The following ZNF778 variants were observed in gnomAD, a reference collection of about 807,000 sequenced individuals.
ZNF778 encodes the protein zinc finger protein 778.
ZNF778 carries 37 observed loss-of-function variants against 23.9 expected under a neutral mutation model. The ratio of observed to expected loss-of-function variants is 1.54; its 90% CI spans 1.19 to 2.03. The LOEUF is 2.03. ZNF778 is among the 30% of genes most tolerant of loss of function. ZNF778 has a pLI of 0.00. For missense variants in ZNF778, 1,297 were observed against 934.4 expected (o/e 1.39, Z -5.06); for synonymous variants, 483 against 343.9 (o/e 1.40, Z -4.48).
At chr16:89,220,193 C>T (rs549496927) in intron 1 of ZNF778, among the ~76,000 whole-genome samples, 7 of 152,288 alleles carry the variant, frequency 4.6e-5, no homozygotes, top group South Asian at 2.1e-4. Context: ...CCAAAGACCT[C>T]GCCCCCGCCG....
chr16:89,230,133 T>C lies in ZNF778; in HGVS notation c.*1571T>C. On this transcript the variant is annotated 3_prime_UTR_variant, in exon 7 of 7. Transcript: ENST00000433976. ...TCCCACACTGGCCAATGTTGGGGCATAACACAGCTCTACATTTTATGAAAA... is the reference window on the plus strand; with the variant it reads ...TCCCACACTGGCCAATGTTGGGGCACAACACAGCTCTACATTTTATGAAAA... 1.4e-6 allele frequency: 1 copy of C among 690,590 alleles called. No individual in the cohort carries two copies. Among genetic ancestry groups the C allele is most frequent in the Non-Finnish European group, 1.8e-6 (1 of 561,898 alleles). The allele number at this position is 690,590 out of a possible 1,614,324, so 42.8% of individuals were successfully genotyped here. A position where few individuals can be genotyped will look rare whatever the true frequency, so the allele number is the denominator to read the frequency against.
rs1313053199 is a variant in ZNF778, at chr16:89,231,986, T to A, written c.*3424T>A. On this transcript the variant is annotated 3_prime_UTR_variant, in exon 7 of 7. Coordinates refer to ENST00000433976, the MANE Select transcript of ZNF778 (RefSeq NM_001201407.2). ...CACCTTTATAACTCCTCAAGGATAT[T>A]ATCATTGGACCCCCAACATTTCAAA... 6.5e-6 allele frequency: 1 copy of A among 152,948 alleles called. No homozygotes were observed. The highest frequency in any genetic ancestry group is 1.5e-5 in the Non-Finnish European group (1 of 68,596). The allele number at this position is 152,948 out of a possible 1,614,324, so 9.5% of individuals were successfully genotyped here. A position where few individuals can be genotyped will look rare whatever the true frequency, so the allele number is the denominator to read the frequency against.
chr16:89,228,535 A>C lies in ZNF778; in HGVS notation c.2247A>C (p.Gln749His). 5.0e-6 allele frequency: 8 copies of C among 1,593,836 alleles called. No individual in the cohort carries two copies. Among genetic ancestry groups the C allele is most frequent in the African/African-American group, 1.4e-5 (1 of 73,894 alleles). Reference sequence around the variant, plus strand: ...CCTCATGCCTTAACCATCACACTCAAATTCACACTGATGAGAAACCTTTCT... The same window carrying C: ...CCTCATGCCTTAACCATCACACTCACATTCACACTGATGAGAAACCTTTCT... ...KNSSCLNHHTQIHTDEKPF is the reference protein window; with the variant it reads ...KNSSCLNHHTHIHTDEKPF Residue 749 changes from glutamine (Q) to histidine (H), a missense_variant, in exon 7 of 7, where the codon CAA becomes CAC. Transcript: ENST00000433976.
rs2032003538 is a variant in ZNF778, at chr16:89,232,860, A to ATCAACTCGCACTGCGCATGCAAC, written c.*4313_*4314insCATGCAACTCAACTCGCACTGCG. 8.8e-7 allele frequency: 1 copy of ATCAACTCGCACTGCGCATGCAAC among 1,141,174 alleles called. No individual in the cohort carries two copies. The highest frequency in any genetic ancestry group is 1.8e-5 in the African/African-American group (1 of 56,492). 70.7% of individuals were successfully genotyped at this position (1,141,174 alleles called of 1,614,324 possible). On this transcript the variant is annotated 3_prime_UTR_variant, in exon 7 of 7. Coordinates refer to ENST00000433976, the MANE Select transcript of ZNF778 (RefSeq NM_001201407.2). Reference sequence around the variant, plus strand: ...AACTCAACTCACACCGTGTATGCAAATCAACTCGCACTGCGTATGCAACTC... The same window carrying ATCAACTCGCACTGCGCATGCAAC: ...AACTCAACTCACACCGTGTATGCAAATCAACTCGCACTGCGCATGCAACTCAACTCGCACTGCGTATGCAACTC...
At position 89,227,112 on chromosome 16, in the gene ZNF778, A is replaced by T; in HGVS notation, c.824A>T (p.His275Leu). 1.2e-6 allele frequency: 2 copies of T among 1,614,046 alleles called. No homozygotes were observed. Among genetic ancestry groups the T allele is most frequent in the Non-Finnish European group, 1.7e-6 (2 of 1,179,896 alleles). The change falls in exon 7 of 7, where the codon CAT becomes CTT. Residue 275 changes from histidine (H) to leucine (L), a missense_variant. Coordinates refer to ENST00000433976, the MANE Select transcript of ZNF778 (RefSeq NM_001201407.2). ...SMGCATPVEMHAVRNPHVCRE... is the reference protein window; with the variant it reads ...SMGCATPVEMLAVRNPHVCRE... ...GGCTGCGCCACACCTGTTGAAATGC[A>T]TGCCGTCAGGAATCCCCACGTATGT...
intron 3 of ZNF778, among the ~76,000 whole-genome samples, chr16:89,222,914 T>C (rs932030298): frequency 6.8e-6 from 1 of 147,678 alleles, no homozygotes; most frequent in Non-Finnish European, 1.5e-5. Context: ...AGCGACAGGG[T>C]GCGCGTGACT....
chr16:89,218,178 T>A (rs1028484837), intron 1 of ZNF778: 6 of 152,118 alleles, frequency 3.9e-5, no homozygotes, highest in Admixed American at 3.3e-4. Flanking sequence ...GGTCTTGGAG[T>A]AATCGAATCC....
At position 89,223,267 on chromosome 16, in the gene ZNF778, G is replaced by C. The variant is rs773089149; in HGVS notation, c.228G>C (p.Glu76Asp). 1.2e-6 allele frequency: 2 copies of C among 1,613,874 alleles called. No individual in the cohort carries two copies. Among genetic ancestry groups the C allele is most frequent in the Admixed American group, 3.3e-5 (2 of 59,900 alleles). Residue 76 changes from glutamate to aspartate, a missense_variant, in exon 4 of 7, where the codon GAG (glutamate) becomes GAC (aspartate). Coordinates refer to ENST00000433976, the MANE Select transcript of ZNF778 (RefSeq NM_001201407.2). ...GAGATGTGATGCTGGAAAACTACGA[G>C]AACCTGGCCTCAGTAGGTGAGGCTG... ...LYRDVMLENY[E>D]NLASVGHHLF...
rs572022541 is a variant in ZNF778, at chr16:89,232,827, G to A, written c.*4265G>A. 211 of 1,289,348 alleles carry A rather than the reference G, an allele frequency of 1.6e-4. 2 individuals carry two copies. Among genetic ancestry groups the A allele is most frequent in the South Asian group, 1.1e-3 (93 of 81,020 alleles). The allele number at this position is 1,289,348 out of a possible 1,614,324, so 79.9% of individuals were successfully genotyped here. A position where few individuals can be genotyped will look rare whatever the true frequency, so the allele number is the denominator to read the frequency against. The stretch of plus-strand genomic sequence containing the variant: ...CTGCATATGCAACTCAACTCACACC[G>A]TATATGCAACTCAACTCACACCGTG... On this transcript the variant is annotated 3_prime_UTR_variant, in exon 7 of 7. Transcript: ENST00000433976.
Position 89,221,120 on chromosome 16 carries a change from C to T in ZNF778, c.-8C>T, listed in dbSNP as rs1205985966. The T allele has an allele frequency of 6.4e-7, 1 of 1,567,658 alleles. No homozygotes were observed. Among genetic ancestry groups the T allele is most frequent in the Non-Finnish European group, 8.7e-7 (1 of 1,155,854 alleles). ...GGAGCATTCAGACGCTTCCGTCAGC[C>T]TCCCAGGATGGCAGCCCCTGACCTG... On this transcript the variant is annotated 5_prime_UTR_variant, in exon 2 of 7. Coordinates refer to ENST00000433976, the MANE Select transcript of ZNF778 (RefSeq NM_001201407.2).
rs749103051 is a variant in ZNF778, at chr16:89,234,173, A to G, written c.*5611A>G. The G allele has an allele frequency of 1.2e-5, 5 of 404,464 alleles. No individual in the cohort carries two copies. The highest frequency in any genetic ancestry group is 2.4e-5 in the Non-Finnish European group (5 of 204,928). 25.1% of individuals were successfully genotyped at this position (404,464 alleles called of 1,614,324 possible). The stretch of plus-strand genomic sequence containing the variant: ...CTGTGTGTGTCACTCACTCACCTTG[A>G]CGAGTCCGCGTCTAGGCCCCACCAG... On this transcript the variant is annotated 3_prime_UTR_variant, in exon 7 of 7. Transcript: ENST00000433976.
In ZNF778 at chr16:89,232,047, G is replaced by C. The variant is rs2031953859; in HGVS notation, c.*3485G>C. 1 of 155,168 alleles carries C rather than the reference G, an allele frequency of 6.4e-6. No homozygotes were observed. The highest frequency in any genetic ancestry group is 2.4e-5 in the African/African-American group (1 of 41,416). 9.6% of individuals were successfully genotyped at this position (155,168 alleles called of 1,614,324 possible). A position where few individuals can be genotyped will look rare whatever the true frequency, so the allele number is the denominator to read the frequency against. On this transcript the variant is annotated 3_prime_UTR_variant, in exon 7 of 7. Coordinates refer to ENST00000433976, the MANE Select transcript of ZNF778 (RefSeq NM_001201407.2). Reference sequence around the variant, plus strand: ...TGAGTAATACCATATGCTGTGATGTGGATGTGATTGGTTTGCCCTCATCAA... The same window carrying C: ...TGAGTAATACCATATGCTGTGATGTCGATGTGATTGGTTTGCCCTCATCAA...
At chr16:89,226,362 T>C (rs1274487887) in intron 6 of ZNF778, among the ~76,000 whole-genome samples, 1 of 152,208 alleles carries the variant, frequency 6.6e-6, no homozygotes, top group East Asian at 1.9e-4. Context: ...TGCGCCACCA[T>C]GCCCAGTTAA....
Position 89,227,612 on chromosome 16 carries a change from A to G in ZNF778, c.1324A>G (p.Thr442Ala). ...VRCGLTRHVR[T>A]HTGEKPYTCK... ...CTGTGGCCTTACTAGACACGTACGA[A>G]CACACACGGGCGAGAAGCCATACAC... Residue 442 changes from threonine to alanine, a missense_variant, in exon 7 of 7, where the codon ACA (threonine) becomes GCA (alanine). Thr to Ala is a moderately conservative substitution (Grantham distance 58, BLOSUM62 0). Transcript: ENST00000433976. The G allele has an allele frequency of 6.2e-7, 1 of 1,614,094 alleles. No homozygotes were observed. Among genetic ancestry groups the G allele is most frequent in the Non-Finnish European group, 8.5e-7 (1 of 1,179,982 alleles).
At chr16:89,219,106 C>T (rs554141779) in intron 1 of ZNF778, among the ~76,000 whole-genome samples, 1 of 151,980 alleles carries the variant, frequency 6.6e-6, no homozygotes, top group East Asian at 1.9e-4. Context: ...GACTCCGTCT[C>T]AAAAAAATAA....
In ZNF778 at chr16:89,233,401, G is replaced by T. The variant is rs2032085519; in HGVS notation, c.*4839G>T. On this transcript the variant is annotated 3_prime_UTR_variant, in exon 7 of 7. Coordinates refer to ENST00000433976, the MANE Select transcript of ZNF778 (RefSeq NM_001201407.2). ...ATGCAACTCAACTCGCACTGCGTAT[G>T]CAACTCAACTCGCACTGCGTATGCA... The T allele has an allele frequency of 1.2e-6, 1 of 814,398 alleles. No individual in the cohort carries two copies. Among genetic ancestry groups the T allele is most frequent in the African/African-American group, 1.8e-5 (1 of 54,224 alleles). The allele number at this position is 814,398 out of a possible 1,614,324, so 50.4% of individuals were successfully genotyped here.
chr16:89,218,697 A>T (rs1004967910), intron 1 of ZNF778, among the ~76,000 whole-genome samples: 2 of 152,248 alleles, frequency 1.3e-5, no homozygotes, highest in African/African-American at 4.8e-5. Flanking sequence ...AGGCTGAGGC[A>T]GGAGAATGGC....
Position 89,233,651 on chromosome 16 carries a change from A to C in ZNF778, c.*5089A>C, listed in dbSNP as rs1328485852. 7.8e-7 allele frequency: 1 copy of C among 1,277,828 alleles called. No individual in the cohort carries two copies. Among genetic ancestry groups the C allele is most frequent in the Non-Finnish European group, 1.0e-6 (1 of 984,180 alleles). 79.2% of individuals were successfully genotyped at this position (1,277,828 alleles called of 1,614,324 possible). On this transcript the variant is annotated 3_prime_UTR_variant, in exon 7 of 7. Coordinates refer to ENST00000433976, the MANE Select transcript of ZNF778 (RefSeq NM_001201407.2). ...CTGTATGCAACTCAGCTCGCTCTGC[A>C]TATGCAATTCAACTCGCACTGCGTA...
At position 89,228,510 on chromosome 16, in the gene ZNF778, C is replaced by T. The variant is rs759341810; in HGVS notation, c.2222C>T (p.Ser741Phe). Reference protein sequence around the residue: ...CKDCGKSFKNSSCLNHHTQIH... With the variant: ...CKDCGKSFKNFSCLNHHTQIH... Reference sequence around the variant, plus strand: ...GACTGTGGAAAATCTTTTAAGAATTCCTCATGCCTTAACCATCACACTCAA... The same window carrying T: ...GACTGTGGAAAATCTTTTAAGAATTTCTCATGCCTTAACCATCACACTCAA... The change falls in exon 7 of 7, where the codon TCC becomes TTC. Residue 741 changes from serine (S) to phenylalanine (F), a missense_variant. Coordinates refer to ENST00000433976, the MANE Select transcript of ZNF778 (RefSeq NM_001201407.2). 3.7e-6 allele frequency: 6 copies of T among 1,606,612 alleles called. No individual in the cohort carries two copies. In the African/African-American group the frequency reaches 4.0e-5, roughly 11 times the overall value.
Sources: allele counts gnomAD v4.1 joint callset (sites outside exome capture counted in the v4.1 genomes callset), GRCh38; gene constraint gnomAD v4.1.1; transcripts MANE v1.5; gene names NCBI Gene and HGNC (gene_info 2026-07-23, HGNC 2026-07-21).